Variants in TBL1XR1 observed in about 807,000 individuals in gnomAD.
TBL1XR1 encodes the protein F-box-like/WD repeat-containing protein TBL1XR1.
TBL1XR1 carries 5 observed loss-of-function variants against 66.9 expected under a neutral mutation model. The observed-to-expected ratio is 0.07, with a 90% CI of 0.04 to 0.16. The LOEUF (loss-of-function observed/expected upper bound fraction) is 0.16, where lower values mean the gene tolerates loss of function less well. TBL1XR1 is among the 10% of genes least tolerant of loss of function. The pLI is 1.00. For missense variants in TBL1XR1, 238 were observed against 623.2 expected (o/e 0.38, Z 6.58); for synonymous variants, 210 against 206.0 (o/e 1.02, Z -0.17).
intron 10 of TBL1XR1, among the ~76,000 whole-genome samples, chr3:177,040,395 C>T (rs759838753): frequency 6.6e-6 from 1 of 152,152 alleles, no homozygotes; most frequent in Non-Finnish European, 1.5e-5. Flanking sequence ...AGATTAGAGA[C>T]GTCTGTGGAA....
At chr3:177,166,231 T>C (rs1010386531) in intron 1 of TBL1XR1, among the ~76,000 whole-genome samples, 68 of 151,894 alleles carry the variant, frequency 4.5e-4, no homozygotes, top group African/African-American at 1.3e-3. Flanking sequence ...CTAAAAATAA[T>C]AACAATAACA....
intron 2 of TBL1XR1, among the ~76,000 whole-genome samples, chr3:177,082,763 T>TATATATATATATATATATGA (rs1721589196): frequency 7.5e-6 from 1 of 133,370 alleles, no homozygotes; most frequent in African/African-American, 2.8e-5. Flanking sequence ...TATATATATA[T>TATATATATATATATATATGA]ATATGAATAT....
chr3:177,116,422 T>C (rs184074269), intron 1 of TBL1XR1, among the ~76,000 whole-genome samples: 12 of 152,286 alleles, frequency 7.9e-5, no homozygotes, highest in African/African-American at 2.6e-4. Context: ...CAACTTGACA[T>C]GTGTATGTTT....
intron 1 of TBL1XR1, among the ~76,000 whole-genome samples, chr3:177,168,227 T>TA (rs1553862763): frequency 6.6e-6 from 1 of 151,892 alleles, no homozygotes; most frequent in Non-Finnish European, 1.5e-5. Context: ...TTCTAAGAAA[T>TA]ACATTACTAC....
intron 10 of TBL1XR1, among the ~76,000 whole-genome samples, chr3:177,043,078 A>C (rs1311621513): frequency 6.6e-6 from 1 of 152,148 alleles, no homozygotes; most frequent in Non-Finnish European, 1.5e-5. Flanking sequence ...GTTATTTAGA[A>C]GTGTGGGTTC....
At chr3:177,118,838 G>A (rs910506099) in intron 1 of TBL1XR1, among the ~76,000 whole-genome samples, 5 of 100,396 alleles carry the variant, frequency 5.0e-5, no homozygotes, top group South Asian at 3.0e-4. Context: ...CAAGAGATAC[G>A]ATTTAGCATT....
At chr3:177,109,507 G>T (rs186033151) in intron 1 of TBL1XR1, among the ~76,000 whole-genome samples, 22 of 152,226 alleles carry the variant, frequency 1.4e-4, no homozygotes, top group African/African-American at 5.3e-4. Context: ...GGTGGGGAAA[G>T]AAAGGAAGAA....
At chr3:177,188,373 C>T (rs1438998982) in intron 1 of TBL1XR1, among the ~76,000 whole-genome samples, 1 of 152,112 alleles carries the variant, frequency 6.6e-6, no homozygotes, top group Admixed American at 6.5e-5. Context: ...CATGGCGAAA[C>T]TCCATCTCTA....
At chr3:177,107,799 A>G (rs1725066166) in intron 1 of TBL1XR1, among the ~76,000 whole-genome samples, 1 of 152,142 alleles carries the variant, frequency 6.6e-6, no homozygotes, top group African/African-American at 2.4e-5. Context: ...TACGATAATA[A>G]AACACCAACT....
intron 2 of TBL1XR1, among the ~76,000 whole-genome samples, chr3:177,081,590 G>A (rs1232285829): frequency 2.0e-5 from 3 of 151,850 alleles, no homozygotes; most frequent in Middle Eastern, 3.2e-3. Flanking sequence ...TCTCTACAAA[G>A]AGTTTTAAAT....
chr3:177,025,660 A>C, intron 15 of TBL1XR1, 136 bp from the exon 16 acceptor site: 2 of 802,270 alleles, frequency 2.5e-6, no homozygotes, highest in Middle Eastern at 7.3e-4. Flanking sequence ...TAATCATGGA[A>C]ATGAGCACTT....
At chr3:177,154,397 C>CA (rs1402816906) in intron 1 of TBL1XR1, among the ~76,000 whole-genome samples, 3 of 117,894 alleles carry the variant, frequency 2.5e-5, no homozygotes, top group Non-Finnish European at 4.1e-5. Context: ...TAGAAATTGA[C>CA]AAACTTTTTT....
rs1215541906 is a variant in TBL1XR1, at chr3:177,032,989, T to C, written c.1398A>G (p.Val466=). The C allele has an allele frequency of 1.2e-6, 2 of 1,603,720 alleles. No homozygotes were observed. The highest frequency in any genetic ancestry group is 1.7e-6 in the Non-Finnish European group (2 of 1,174,502). Residue 466 remains valine (V), a synonymous_variant, in exon 14 of 16, where the codon GTA becomes GTG. Transcript: ENST00000457928. ...GACATACCTGCGTGTTCCAGATGTG[T>C]ACACATTTGTCAAAAGAACCACTTG... The part of the protein sequence containing the change: ...YLASGSFDKC[V]HIWNTQTGAL...
chr3:177,133,997 T>G (rs1166615586), intron 1 of TBL1XR1, among the ~76,000 whole-genome samples: 1 of 151,638 alleles, frequency 6.6e-6, no homozygotes. Context: ...AGTCTTGGGG[T>G]TTTCAATCAC....
chr3:177,167,850 T>C (rs954975541), intron 1 of TBL1XR1, among the ~76,000 whole-genome samples: 3 of 152,008 alleles, frequency 2.0e-5, no homozygotes, highest in Non-Finnish European at 1.5e-5. Flanking sequence ...CTCTTGAACA[T>C]GAGAGGTGGA....
chr3:177,056,753 T>C (rs527692451), intron 3 of TBL1XR1, among the ~76,000 whole-genome samples: 1 of 24,410 alleles, frequency 4.1e-5, no homozygotes, highest in East Asian at 1.3e-3. Flanking sequence ...TAACTCCCTC[T>C]TCTCTCTCGG....
intron 1 of TBL1XR1, among the ~76,000 whole-genome samples, chr3:177,116,686 T>A (rs1726347376): frequency 6.6e-6 from 1 of 152,192 alleles, no homozygotes; most frequent in African/African-American, 2.4e-5. Context: ...AACAACAAGC[T>A]GGTTATTTAA....
chr3:177,084,020 G>A (rs1234201708), intron 2 of TBL1XR1, among the ~76,000 whole-genome samples: 13 of 150,636 alleles, frequency 8.6e-5, no homozygotes, highest in Non-Finnish European at 1.3e-4. Context: ...CCCAGGAGGC[G>A]GAGGCTGCAG....
At chr3:177,052,549 C>A (rs1448369554) in intron 4 of TBL1XR1, among the ~76,000 whole-genome samples, 1 of 152,134 alleles carries the variant, frequency 6.6e-6, no homozygotes, top group Non-Finnish European at 1.5e-5. Flanking sequence ...ATACTAAACC[C>A]AACACAGATA....
Sources: allele counts gnomAD v4.1 joint callset (sites outside exome capture counted in the v4.1 genomes callset), GRCh38; gene constraint gnomAD v4.1.1; transcripts MANE v1.5; gene names NCBI Gene and HGNC (gene_info 2026-07-23, HGNC 2026-07-21).